The following MACROD2 variants were observed in gnomAD, a reference collection of about 807,000 sequenced individuals.
MACROD2 encodes ADP-ribose glycohydrolase MACROD2.
Under a neutral mutation model 70.4 loss-of-function variants are expected in MACROD2, and 36 were observed. The observed-to-expected ratio is 0.51, with a 90% CI of 0.39 to 0.68. MACROD2 has a LOEUF of 0.68. Ranked by LOEUF, MACROD2 falls within the 30% of genes least tolerant of loss-of-function variation. The pLI is 0.00. For missense variants in MACROD2, 496 were observed against 538.4 expected (o/e 0.92, Z 0.78); for synonymous variants, 172 against 178.8 (o/e 0.96, Z 0.30).
chr20:15,401,538 C>T (rs1221129077), intron 6 of MACROD2, among the ~76,000 whole-genome samples: 1 of 152,174 alleles, frequency 6.6e-6, no homozygotes, highest in Non-Finnish European at 1.5e-5. Flanking sequence ...TACAGAACCA[C>T]ACTTTGCTGC....
At chr20:15,720,182 CTTTA>C (rs773649618) in intron 8 of MACROD2, among the ~76,000 whole-genome samples, 6 of 152,082 alleles carry the variant, frequency 3.9e-5, no homozygotes, top group African/African-American at 9.7e-5. Flanking sequence ...ACCACATTTT[CTTTA>C]TTCATTCATC....
intron 8 of MACROD2, among the ~76,000 whole-genome samples, chr20:15,658,029 G>T (rs1487508865): frequency 6.6e-6 from 1 of 152,064 alleles, no homozygotes; most frequent in Non-Finnish European, 1.5e-5. Context: ...TGTACCCTCA[G>T]ATAGTCAAGA....
intron 8 of MACROD2, among the ~76,000 whole-genome samples, chr20:15,857,398 T>C (rs1024856818): frequency 6.6e-6 from 1 of 152,120 alleles, no homozygotes. Context: ...CATATATCTG[T>C]CTCTCACTGA....
At chr20:14,264,727 G>A (rs1045623358) in intron 3 of MACROD2, among the ~76,000 whole-genome samples, 2 of 152,134 alleles carry the variant, frequency 1.3e-5, no homozygotes, top group Non-Finnish European at 2.9e-5. Context: ...CTTATGAGAA[G>A]GCCAGGATCT....
At position 14,253,164 on chromosome 20, in the gene MACROD2, G is replaced by A. The variant is rs145502529; in HGVS notation, c.271+167436G>A. On this transcript the variant is annotated intron_variant, in intron 3 of 17. Coordinates refer to ENST00000684519, the MANE Select transcript of MACROD2 (RefSeq NM_001351661.2). ...CTCAAGGAGATTCTGACAGAAAATG[G>A]TATATTTTATGAGTAGTGATTTTGT... Among the ~76,000 whole-genome samples the A allele has an allele frequency of 9.9e-5, 15 of 152,008 alleles. No homozygotes were observed. The East Asian group carries it at 2.1e-3, about 22-fold the overall frequency.
intron 5 of MACROD2, among the ~76,000 whole-genome samples, chr20:14,903,301 A>G (rs1043915612): frequency 2.0e-5 from 3 of 152,052 alleles, no homozygotes; most frequent in African/African-American, 7.2e-5. Flanking sequence ...TCGGCCTCCC[A>G]AAGTGCTGGG....
At chr20:16,016,039 C>A (rs2066924362) in intron 15 of MACROD2, among the ~76,000 whole-genome samples, 1 of 152,072 alleles carries the variant, frequency 6.6e-6, no homozygotes, top group Non-Finnish European at 1.5e-5. Flanking sequence ...GATGACTTTT[C>A]CATTGTCACA....
intron 5 of MACROD2, among the ~76,000 whole-genome samples, chr20:14,761,143 T>TA: frequency 6.6e-6 from 1 of 152,062 alleles, no homozygotes; most frequent in Non-Finnish European, 1.5e-5. Flanking sequence ...CTGCCCTCAA[T>TA]ACCATTTTGT....
intron 8 of MACROD2, among the ~76,000 whole-genome samples, chr20:15,594,716 C>A (rs545028374): frequency 6.6e-6 from 1 of 152,240 alleles, no homozygotes; most frequent in East Asian, 1.9e-4. Flanking sequence ...AAATGTTTAA[C>A]ATATTGATTT....
chr20:14,345,020 A>G (rs1241058893), intron 3 of MACROD2, among the ~76,000 whole-genome samples: 1 of 152,206 alleles, frequency 6.6e-6, no homozygotes, highest in Admixed American at 6.5e-5. Context: ...ATTAACAAAG[A>G]ACAAAGGATT....
chr20:15,514,911 A>G (rs2047546310), intron 8 of MACROD2, among the ~76,000 whole-genome samples: 1 of 152,196 alleles, frequency 6.6e-6, no homozygotes, highest in African/African-American at 2.4e-5. Flanking sequence ...AAAGTAAACT[A>G]CCGTATCAGA....
chr20:14,188,037 T>C (rs1293375213), intron 3 of MACROD2, among the ~76,000 whole-genome samples: 2 of 151,352 alleles, frequency 1.3e-5, no homozygotes, highest in Admixed American at 6.6e-5. Flanking sequence ...GTTCATCCTA[T>C]AGAATATGAT....
chr20:15,691,114 T>C (rs930232003), intron 8 of MACROD2, among the ~76,000 whole-genome samples: 3 of 152,180 alleles, frequency 2.0e-5, no homozygotes, highest in African/African-American at 7.2e-5. Flanking sequence ...GGTCTAGTTT[T>C]AGATGAAAAC....
Position 16,052,635 on chromosome 20 carries a change from G to A in MACROD2, c.*2759G>A, listed in dbSNP as rs976728528. The A allele has an allele frequency of 2.0e-5, 3 of 152,606 alleles. No individual in the cohort carries two copies. The highest frequency in any genetic ancestry group is 1.3e-4 in the Admixed American group (2 of 15,276). 9.5% of individuals were successfully genotyped at this position (152,606 alleles called of 1,614,324 possible). A position where few individuals can be genotyped will look rare whatever the true frequency, so the allele number is the denominator to read the frequency against. Reference sequence around the variant, plus strand: ...ATAAAAGATTACAAAGAAGGCATCCGAATCACTGTCTGTGATACTGGGTCA... The same window carrying A: ...ATAAAAGATTACAAAGAAGGCATCCAAATCACTGTCTGTGATACTGGGTCA... On this transcript the variant is annotated 3_prime_UTR_variant, in exon 18 of 18. Transcript: ENST00000684519.
chr20:14,499,404 A>G (rs2084891980), intron 4 of MACROD2, among the ~76,000 whole-genome samples: 1 of 152,058 alleles, frequency 6.6e-6, no homozygotes, highest in Non-Finnish European at 1.5e-5. Context: ...GAGGTTGTGC[A>G]TGCCTGTGGT....
intron 5 of MACROD2, among the ~76,000 whole-genome samples, chr20:14,851,249 G>A (rs566538288): frequency 4.6e-5 from 7 of 152,178 alleles, no homozygotes; most frequent in Admixed American, 2.0e-4. Context: ...GAGAGCCACC[G>A]ATACTGGAGG....
chr20:15,527,608 A>T (rs1421734737), intron 8 of MACROD2, among the ~76,000 whole-genome samples: 1 of 152,200 alleles, frequency 6.6e-6, no homozygotes, highest in Non-Finnish European at 1.5e-5. Flanking sequence ...GCAAATCCTC[A>T]GAGACTGCCC....
intron 3 of MACROD2, among the ~76,000 whole-genome samples, chr20:14,090,037 T>A (rs187481642): frequency 8.3e-4 from 126 of 152,220 alleles, no homozygotes; most frequent in African/African-American, 2.9e-3. Context: ...TTCTTTTCCT[T>A]CCCCCTTATT....
rs370152233 is a variant in MACROD2, at chr20:15,132,526, AC to A, written c.419-97413del. ...AAACATATATTAGACCTCAAAGAAA[AC>A]TTTTATATAGCCCAAAAAGGTAAAA... On this transcript the variant is annotated intron_variant, in intron 5 of 17. Transcript: ENST00000684519. 1.5e-4 allele frequency among the ~76,000 whole-genome samples: 23 copies of A among 152,076 alleles called. No individual in the cohort carries two copies. In the East Asian group the frequency reaches 3.5e-3, roughly 23 times the overall value.
Sources: gnomAD v4.1 joint callset for allele counts (sites outside exome capture counted in the v4.1 genomes callset) on GRCh38, gnomAD v4.1.1 for gene constraint, MANE v1.5 for transcripts, NCBI Gene and HGNC (gene_info 2026-07-23, HGNC 2026-07-21) for gene names.